The following ZNF469 variants were observed in gnomAD, a reference collection of about 807,000 sequenced individuals.
ZNF469 encodes zinc finger protein 469.
A neutral mutation model predicts 1.0 loss-of-function variants in ZNF469; 1 was observed. That is an observed-to-expected ratio of 1.00 (90% confidence interval 0.35 to 4.73). ZNF469 has a LOEUF of 4.73. Among genes scored for constraint, ZNF469 ranks in the 30% most tolerant of loss-of-function variants. The pLI, the probability that ZNF469 is intolerant of heterozygous loss-of-function variation, is 0.16. For missense variants in ZNF469, 6,100 were observed against 5,356.3 expected (o/e 1.14, Z -4.33); for synonymous variants, 2,703 against 2,363.4 (o/e 1.14, Z -4.17).
Position 88,436,244 on chromosome 16 carries a change from C to A in ZNF469, c.8774C>A (p.Pro2925Gln), listed in dbSNP as rs771929127. 3 of 1,549,490 alleles carry A rather than the reference C, an allele frequency of 1.9e-6. No homozygotes were observed. Among genetic ancestry groups the A allele is most frequent in the Non-Finnish European group, 2.6e-6 (3 of 1,146,876 alleles). Residue 2925 changes from proline to glutamine, a missense_variant, in exon 3 of 3, where the codon CCG becomes CAG. Transcript: ENST00000565624. The part of the protein sequence containing the change: ...SSSLCLCHED[P>Q]WEDEDPAGLP... ...TCCCTCTGCCTCTGCCATGAGGACC[C>A]GTGGGAGGACGAGGATCCCGCAGGT...
chr16:88,217,688 G>A, the ZNF469 span, among the ~76,000 whole-genome samples: 12 of 114,230 alleles, frequency 1.1e-4, no homozygotes, highest in African/African-American at 2.0e-4. Flanking sequence ...GAGAATATGC[G>A]GTGTTTGGTT....
the ZNF469 span, among the ~76,000 whole-genome samples, chr16:88,259,194 A>G: frequency 6.6e-6 from 1 of 152,148 alleles, no homozygotes; most frequent in Non-Finnish European, 1.5e-5. This position sits in a 1 kb window ranked among gnomAD's most constrained non-coding sequence, Gnocchi z 4.1. Flanking sequence ...CCTCGCGGCC[A>G]CCCACCGGCT....
intron 1 of ZNF469, among the ~76,000 whole-genome samples, chr16:88,414,503 G>A (rs1597199109): frequency 6.6e-6 from 1 of 152,378 alleles, no homozygotes. Context: ...CAGCCTCCCG[G>A]GAGAGAGCCG....
At chr16:88,365,528 G>T in the ZNF469 span, among the ~76,000 whole-genome samples, 1 of 152,244 alleles carries the variant, frequency 6.6e-6, no homozygotes, top group South Asian at 2.1e-4. Flanking sequence ...CTGCTGCCAG[G>T]GGCAGGGCTC....
At chr16:88,262,387 G>T in the ZNF469 span, among the ~76,000 whole-genome samples, 1 of 152,216 alleles carries the variant, frequency 6.6e-6, no homozygotes, top group African/African-American at 2.4e-5. The surrounding 1 kb of genome is among the most constrained non-coding windows in gnomAD (Gnocchi z 4.3). Context: ...CTGGAGAGGG[G>T]CCATTTGGGG....
chr16:88,437,091 G>A lies in ZNF469; in HGVS notation c.9621G>A (p.Ala3207=). 6.5e-7 allele frequency: 1 copy of A among 1,545,162 alleles called. No individual in the cohort carries two copies. Residue 3207 remains alanine, a synonymous_variant, in exon 3 of 3, where the codon GCG becomes GCA. Coordinates refer to ENST00000565624, the MANE Select transcript of ZNF469 (RefSeq NM_001367624.2). ...HAVRFARRGQ[A]RRSLGDLPGG... ...TCCGCTTCGCCCGCAGGGGGCAGGC[G>A]CGGAGGTCCTTGGGGGACCTGCCCG...
chr16:88,334,556 A>G, the ZNF469 span, among the ~76,000 whole-genome samples: 1 of 152,232 alleles, frequency 6.6e-6, no homozygotes, highest in African/African-American at 2.4e-5. Context: ...CACACATCAC[A>G]GAGCCGGGAG....
the ZNF469 span, among the ~76,000 whole-genome samples, chr16:88,103,011 T>A: frequency 2.6e-5 from 4 of 152,252 alleles, no homozygotes; most frequent in African/African-American, 9.6e-5. Flanking sequence ...ATAGTTTTGT[T>A]CTCGTGTTTT....
chr16:88,256,134 C>T, the ZNF469 span, among the ~76,000 whole-genome samples: 1 of 152,146 alleles, frequency 6.6e-6, no homozygotes, highest in Non-Finnish European at 1.5e-5. Flanking sequence ...AAATTTCTAA[C>T]AATATCTATC....
rs78600508 is a variant in ZNF469, at chr16:88,439,378, C to A, written c.*46C>A. The A allele has an allele frequency of 0.094, 145,097 of 1,546,958 alleles. 7,139 individuals carry two copies. Among genetic ancestry groups the A allele is most frequent in the Non-Finnish European group, 0.099 (113,261 of 1,144,638 alleles). ...GGACCGGAGCTGGGCGTTCCTGTCTCGGCCTGCCTCCTTGGCCAGCTCCGG... is the reference window on the plus strand; with the variant it reads ...GGACCGGAGCTGGGCGTTCCTGTCTAGGCCTGCCTCCTTGGCCAGCTCCGG... On this transcript the variant is annotated 3_prime_UTR_variant, in exon 3 of 3. Coordinates refer to ENST00000565624, the MANE Select transcript of ZNF469 (RefSeq NM_001367624.2).
At chr16:88,269,511 C>T in the ZNF469 span, among the ~76,000 whole-genome samples, 10 of 152,100 alleles carry the variant, frequency 6.6e-5, no homozygotes, top group Non-Finnish European at 1.3e-4. Context: ...TATCTTTTCT[C>T]AACATCTTAC....
the ZNF469 span, among the ~76,000 whole-genome samples, chr16:88,328,168 G>C: frequency 6.6e-6 from 1 of 152,262 alleles, no homozygotes; most frequent in Non-Finnish European, 1.5e-5. Flanking sequence ...CTCGCCCGGG[G>C]CTGCTGTGCA....
chr16:88,271,467 TC>T, the ZNF469 span, among the ~76,000 whole-genome samples: 1 of 139,718 alleles, frequency 7.2e-6, no homozygotes, highest in East Asian at 2.2e-4. Context: ...CGGACTGGCT[TC>T]CAGGGCTGGG....
chr16:88,321,790 G>T, the ZNF469 span, among the ~76,000 whole-genome samples: 1 of 152,076 alleles, frequency 6.6e-6, no homozygotes, highest in East Asian at 1.9e-4. Context: ...GATTCTGTTG[G>T]TAAGGCCTCA....
the ZNF469 span, among the ~76,000 whole-genome samples, chr16:88,270,941 C>A: frequency 1.8e-3 from 270 of 152,362 alleles, no homozygotes; most frequent in African/African-American, 5.6e-3. Context: ...TGTGGGTCCC[C>A]CCTCTCGGGG....
intron 1 of ZNF469, among the ~76,000 whole-genome samples, chr16:88,419,477 GA>G: frequency 6.6e-6 from 1 of 152,184 alleles, no homozygotes; most frequent in East Asian, 1.9e-4. Context: ...ATTCGGCCTG[GA>G]AGCCCAGCTG....
the ZNF469 span, among the ~76,000 whole-genome samples, chr16:88,123,663 C>A: frequency 3.2e-4 from 48 of 152,208 alleles, no homozygotes; most frequent in Admixed American, 7.2e-4. Flanking sequence ...TCGTCCCCCC[C>A]AGTAGATGTA....
At chr16:88,136,433 G>A in the ZNF469 span, among the ~76,000 whole-genome samples, 21 of 152,360 alleles carry the variant, frequency 1.4e-4, no homozygotes, top group African/African-American at 5.0e-4. Flanking sequence ...CTCCGGCTTG[G>A]CCAGGAGGCT....
the ZNF469 span, among the ~76,000 whole-genome samples, chr16:88,371,380 C>T: frequency 6.6e-6 from 1 of 152,240 alleles, no homozygotes; most frequent in Non-Finnish European, 1.5e-5. Context: ...CTCACATTTA[C>T]ATAGGACGTG....
Sources: allele counts gnomAD v4.1 joint callset (sites outside exome capture counted in the v4.1 genomes callset), GRCh38; gene constraint gnomAD v4.1.1; non-coding constraint Gnocchi (gnomAD v3.1); transcripts MANE v1.5; gene names NCBI Gene and HGNC (gene_info 2026-07-23, HGNC 2026-07-21).